Variants in NUDC observed in about 807,000 individuals in gnomAD.
The protein encoded by NUDC is nuclear migration protein nudC.
A neutral mutation model predicts 45.0 loss-of-function variants in NUDC; 14 were observed. That is an observed-to-expected ratio of 0.31 (90% CI 0.21 to 0.49). NUDC has a LOEUF of 0.49. Ranked by LOEUF, NUDC falls within the 20% of genes least tolerant of loss-of-function variation. The probability of loss-of-function intolerance (pLI) is 0.99; values close to 1 mark genes in which losing one functional copy is unlikely to be tolerated. For synonymous variants in NUDC, 153 were observed against 156.7 expected, an observed-to-expected ratio of 0.98 and a Z score of 0.17; for missense variants, 323 against 426.2, an observed-to-expected ratio of 0.76 and a Z score of 2.13.
At chr1:26,945,324 G>A (rs2082309401) in intron 6 of NUDC, 66 bp from the exon 7 acceptor site, 3 of 1,341,380 alleles carry the variant, frequency 2.2e-6, no homozygotes, top group African/African-American at 2.9e-5. Context: ...GTTGTGAAAG[G>A]GTTAAGGGGT....
chr1:26,915,064 T>C (rs937225264), intron 3 of NUDC, among the ~76,000 whole-genome samples: 6 of 148,544 alleles, frequency 4.0e-5, no homozygotes, highest in Non-Finnish European at 7.4e-5. Flanking sequence ...CATACATATA[T>C]ATATATATAT....
At position 26,911,223 on chromosome 1, in the gene NUDC, G is replaced by A. The variant is rs1457430431; in HGVS notation, c.81G>A (p.Trp27Ter). 2.1e-6 allele frequency: 1 copy of A among 466,418 alleles called. No homozygotes were observed. The highest frequency in any genetic ancestry group is 4.5e-6 in the Non-Finnish European group (1 of 224,550). The allele number at this position is 466,418 out of a possible 1,614,324, so 28.9% of individuals were successfully genotyped here. A position where few individuals can be genotyped will look rare whatever the true frequency, so the allele number is the denominator to read the frequency against. ...GCTGCTTCCTGATTGGCTGTGATTG[G>A]GCTTTCACTGTGGTAAGAGGGCGCC... Residue 27 changes from tryptophan (W) to a stop codon, truncating the protein, a stop_gained, in exon 3 of 7, where the codon TGG becomes TGA. Transcript: ENST00000435827. LOFTEE classifies it high-confidence loss of function.
At chr1:26,913,155 G>A (rs1472729487) in intron 3 of NUDC, among the ~76,000 whole-genome samples, 2 of 151,978 alleles carry the variant, frequency 1.3e-5, no homozygotes, top group Non-Finnish European at 2.9e-5. Context: ...GAGTGGTGGC[G>A]GCCATCTGTA....
chr1:26,931,765 G>A (rs2082185857), intron 2 of NUDC, among the ~76,000 whole-genome samples: 1 of 148,662 alleles, frequency 6.7e-6, no homozygotes, highest in Non-Finnish European at 1.5e-5. Context: ...GACAGAACGA[G>A]ACTCCATCTC....
Position 26,941,818 on chromosome 1 carries a change from G to A in NUDC, c.429G>A (p.Gln143=). The A allele has an allele frequency of 3.1e-6, 5 of 1,612,918 alleles. No homozygotes were observed. The highest frequency in any genetic ancestry group is 4.2e-6 in the Non-Finnish European group (5 of 1,179,998). The change falls in exon 4 of 9, where the codon CAG becomes CAA. Residue 143 remains glutamine (Q), a splice_region_variant and synonymous_variant. Coordinates refer to ENST00000321265, the MANE Select transcript of NUDC (RefSeq NM_006600.4). ...GCAGCCTTGACTCCCCAGGGAAGCA[G>A]GTGAGATGGACTGCAGGGACTTGGG... ...KNGSLDSPGK[Q]DTEEDEEEDE... is the part of the protein sequence containing the mutation.
At chr1:26,927,604 G>A (rs2082145018) in intron 2 of NUDC, among the ~76,000 whole-genome samples, 1 of 151,658 alleles carries the variant, frequency 6.6e-6, no homozygotes, top group Non-Finnish European at 1.5e-5. Flanking sequence ...CACCATGTTG[G>A]TCAGGTTGGT....
At position 26,924,183 on chromosome 1, in the gene NUDC, A is replaced by G. The variant is rs200125589; in HGVS notation, c.159+17A>G. On this transcript the variant is annotated intron_variant, in intron 2 of 8. Transcript: ENST00000321265. ...GCAGAGAAGGTAAGTGTTGGAAACCACTGTCCTTTGGGCGGCTCTGTCTCT... is the reference window on the plus strand; with the variant it reads ...GCAGAGAAGGTAAGTGTTGGAAACCGCTGTCCTTTGGGCGGCTCTGTCTCT... 8 of 1,611,246 alleles carry G rather than the reference A, an allele frequency of 5.0e-6. No homozygotes were observed. In the Admixed American group the frequency reaches 8.3e-5, roughly 17 times the overall value.
intron 4 of NUDC, among the ~76,000 whole-genome samples, chr1:26,942,158 G>A (rs2082282776): frequency 6.6e-6 from 1 of 152,096 alleles, no homozygotes; most frequent in African/African-American, 2.4e-5. Flanking sequence ...CAGGCATGGT[G>A]GTGGGCGCCC....
At chr1:26,907,611 C>A (rs1042759708) in intron 2 of NUDC, among the ~76,000 whole-genome samples, 19 of 151,736 alleles carry the variant, frequency 1.3e-4, no homozygotes, top group African/African-American at 4.6e-4. Flanking sequence ...CGTCAGCTGT[C>A]TGACTACTTA....
chr1:26,904,506 G>C lies in NUDC; in HGVS notation c.-16+2140G>C, dbSNP rs539291305. 1.2e-3 allele frequency among the ~76,000 whole-genome samples: 178 copies of C among 152,134 alleles called. 1 individual carries two copies. Among genetic ancestry groups the C allele is most frequent in the Non-Finnish European group, 1.9e-3 (128 of 67,990 alleles). On this transcript the variant is annotated intron_variant, in intron 2 of 6. Coordinates refer to the NUDC transcript ENST00000435827. The stretch of plus-strand genomic sequence containing the variant: ...ATTGGCGCAATCATAGCTCACTGCA[G>C]CCTTGAACTGCTGGCCTCAAGCCAT...
At chr1:26,914,458 C>T (rs917665344) in intron 3 of NUDC, among the ~76,000 whole-genome samples, 1 of 152,152 alleles carries the variant, frequency 6.6e-6, no homozygotes, top group African/African-American at 2.4e-5. Flanking sequence ...GGCCCTGCTT[C>T]TGTTGTCAGC....
intron 8 of NUDC, 115 bp from the exon 9 acceptor site, chr1:26,946,015 C>G (rs1212216357): frequency 9.6e-7 from 1 of 1,039,894 alleles, no homozygotes; most frequent in African/African-American, 1.6e-5. Context: ...TCCTGCCCAG[C>G]CTGGCTTGGT....
chr1:26,938,816 G>T (rs1329156239), intron 2 of NUDC, among the ~76,000 whole-genome samples: 3 of 152,114 alleles, frequency 2.0e-5, no homozygotes, highest in Non-Finnish European at 4.4e-5. Context: ...GGCCTCTAGG[G>T]GTATGTGCGT....
At chr1:26,929,678 T>G (rs534076143) in intron 2 of NUDC, 10 of 420,382 alleles carry the variant, frequency 2.4e-5, no homozygotes, top group Non-Finnish European at 4.9e-5. Flanking sequence ...AGGCATATTT[T>G]TTGATGAGTA....
At chr1:26,913,725 G>A (rs373659183) in intron 3 of NUDC, 7 of 1,606,702 alleles carry the variant, frequency 4.4e-6, no homozygotes, top group Non-Finnish European at 6.0e-6. Flanking sequence ...AGGATGGCAG[G>A]TTCCTGAGGA....
At chr1:26,922,048 C>A in intron 1 of NUDC, 119 bp downstream of exon 1, 1 of 1,028,304 alleles carries the variant, frequency 9.7e-7, no homozygotes, top group Non-Finnish European at 1.4e-6. Flanking sequence ...GATGCCCCTA[C>A]ATTCTCACTG....
At position 26,939,895 on chromosome 1, in the gene NUDC, A is replaced by G. The variant is rs2082263521; in HGVS notation, c.160-1562A>G. Among the ~76,000 whole-genome samples the G allele has an allele frequency of 2.6e-5, 4 of 152,176 alleles. No individual in the cohort carries two copies. In the South Asian group the frequency reaches 8.3e-4, roughly 31 times the overall value. On this transcript the variant is annotated intron_variant, in intron 2 of 8. Coordinates refer to ENST00000321265, the MANE Select transcript of NUDC (RefSeq NM_006600.4). Reference sequence around the variant, plus strand: ...CTAGGCTCTTGATTTGTGCTGTCATACTCAATCCTCATGACGGATAAGGAA... The same window carrying G: ...CTAGGCTCTTGATTTGTGCTGTCATGCTCAATCCTCATGACGGATAAGGAA...
At chr1:26,920,702 G>A (rs2082084978), upstream of NUDC, among the ~76,000 whole-genome samples, 1 of 150,568 alleles carries the variant, frequency 6.6e-6, no homozygotes, top group South Asian at 2.1e-4. Context: ...CAGGAGGAGT[G>A]CTTGAGACCA....
chr1:26,912,559 A>G (rs2082034987), intron 3 of NUDC, among the ~76,000 whole-genome samples: 1 of 152,148 alleles, frequency 6.6e-6, no homozygotes, highest in Admixed American at 6.5e-5. Context: ...AATTACTACG[A>G]TTTATGCGTG....
Sources: gnomAD v4.1 joint callset for allele counts (sites outside exome capture counted in the v4.1 genomes callset) on GRCh38, gnomAD v4.1.1 for gene constraint, MANE v1.5 for transcripts, NCBI Gene and HGNC (gene_info 2026-07-23, HGNC 2026-07-21) for gene names.